Variants in USP8 observed in about 807,000 individuals in gnomAD.
The protein encoded by USP8 is ubiquitin carboxyl-terminal hydrolase 8.
Under a neutral mutation model 130.0 loss-of-function variants are expected in USP8, and 27 were observed. The observed-to-expected ratio is 0.21, with a 90% CI of 0.15 to 0.29. The LOEUF (loss-of-function observed/expected upper bound fraction) is 0.29, where lower values mean the gene tolerates loss of function less well. Among genes scored for constraint, USP8 ranks in the 10% least tolerant of loss-of-function variants. The probability of loss-of-function intolerance (pLI) is 1.00; values close to 1 mark genes in which losing one functional copy is unlikely to be tolerated. For synonymous variants in USP8, 392 were observed against 444.1 expected (o/e 0.88, Z 1.48); for missense variants, 1,029 against 1,312.2 (o/e 0.78, Z 3.33).
intron 4 of USP8, among the ~76,000 whole-genome samples, chr15:50,453,860 C>CTTTTTTTTTTTTT (rs71124355): frequency 2.3e-5 from 2 of 86,962 alleles, no homozygotes; most frequent in African/African-American, 4.5e-5. Flanking sequence ...TGGGAATATT[C>CTTTTTTTTTTTTT]TTTTTTTTTT....
At chr15:50,436,948 G>A (rs2050109403) in intron 1 of USP8, among the ~76,000 whole-genome samples, 1 of 152,044 alleles carries the variant, frequency 6.6e-6, no homozygotes, top group Admixed American at 6.5e-5. Context: ...GGGATTACAG[G>A]TGTGAGCCAC....
At position 50,456,558 on chromosome 15, in the gene USP8, T is replaced by C. The variant is rs1489375913; in HGVS notation, c.336-2442T>C. 3.6e-5 allele frequency among the ~76,000 whole-genome samples: 5 copies of C among 139,960 alleles called. No individual in the cohort carries two copies. In the East Asian group the frequency reaches 1.1e-3, roughly 30 times the overall value. 91.8% of individuals were successfully genotyped at this position (139,960 alleles called of 152,430 possible). Reference sequence around the variant, plus strand: ...CACTGCTCTCCAGCCCAGGTGACAGTGTGAGACTCCGTCTCAAAAAAAAAA... The same window carrying C: ...CACTGCTCTCCAGCCCAGGTGACAGCGTGAGACTCCGTCTCAAAAAAAAAA... On this transcript the variant is annotated intron_variant, in intron 4 of 19. Transcript: ENST00000307179.
intron 1 of USP8, among the ~76,000 whole-genome samples, chr15:50,433,885 G>C (rs768156985): frequency 1.3e-5 from 2 of 152,206 alleles, no homozygotes; most frequent in Non-Finnish European, 2.9e-5. Flanking sequence ...GATTACAGGC[G>C]TGAGCCACTG....
rs1335735762 is a variant in USP8 at position 50,424,530 on chromosome 15, G to A, written c.-66+16G>A. ...CGGCGTCACGGTGAGTGCGGGTCTTGGGCCCTAGCACCTGTTCTCTGGGAA... is the reference window on the plus strand; with the variant it reads ...CGGCGTCACGGTGAGTGCGGGTCTTAGGCCCTAGCACCTGTTCTCTGGGAA... On this transcript the variant is annotated intron_variant, in intron 1 of 19. Transcript: ENST00000307179. The A allele has an allele frequency of 2.5e-6, 1 of 398,568 alleles. No homozygotes were observed. Among genetic ancestry groups the A allele is most frequent in the Non-Finnish European group, 4.4e-6 (1 of 226,098 alleles). 24.7% of individuals were successfully genotyped at this position (398,568 alleles called of 1,614,324 possible).
At chr15:50,442,011 T>C (rs2141257318) in intron 3 of USP8, among the ~76,000 whole-genome samples, 1 of 148,670 alleles carries the variant, frequency 6.7e-6, no homozygotes, top group South Asian at 2.1e-4. Context: ...AGTTTCACTC[T>C]TGTTGTCCAG....
At chr15:50,495,002 G>C (rs950677611) in intron 16 of USP8, among the ~76,000 whole-genome samples, 2 of 146,076 alleles carry the variant, frequency 1.4e-5, no homozygotes, top group Non-Finnish European at 1.5e-5. Context: ...CTGGGCGACA[G>C]AGTGAGACTC....
At chr15:50,433,977 C>G (rs2050015843) in intron 1 of USP8, among the ~76,000 whole-genome samples, 1 of 151,990 alleles carries the variant, frequency 6.6e-6, no homozygotes. Flanking sequence ...TTGACTAAGG[C>G]TGAAGTTCTT....
chr15:50,483,471 A>G (rs1409656023), intron 11 of USP8, among the ~76,000 whole-genome samples: 1 of 152,244 alleles, frequency 6.6e-6, no homozygotes, highest in African/African-American at 2.4e-5. Context: ...TTATTTTAAA[A>G]TAAGATATAA....
At chr15:50,495,000 C>CA (rs1265965697) in intron 16 of USP8, among the ~76,000 whole-genome samples, 2 of 141,880 alleles carry the variant, frequency 1.4e-5, no homozygotes, top group African/African-American at 2.6e-5. Context: ...GCCTGGGCGA[C>CA]AGAGTGAGAC....
chr15:50,497,186 T>C lies in USP8; in HGVS notation c.2993T>C (p.Ile998Thr). 2 of 1,611,282 alleles carry C rather than the reference T, an allele frequency of 1.2e-6. No individual in the cohort carries two copies. The highest frequency in any genetic ancestry group is 1.7e-6 in the Non-Finnish European group (2 of 1,178,922). ...GCTCGACGGGATTCTCTAAAAAAGATAGAAATCTGGAAGTTACCACCTGTG... is the reference window on the plus strand; with the variant it reads ...GCTCGACGGGATTCTCTAAAAAAGACAGAAATCTGGAAGTTACCACCTGTG... ...CRARRDSLKKIEIWKLPPVLL... is the reference protein window; with the variant it reads ...CRARRDSLKKTEIWKLPPVLL... Residue 998 changes from isoleucine to threonine, a missense_variant, in exon 18 of 20, where the codon ATA becomes ACA. Physicochemically the swap from Ile to Thr is moderately conservative, Grantham distance 89 (BLOSUM62 -1). This residue lies in a region of USP8 where 257 missense variants were observed against 429.8 expected (regional missense o/e 0.60). Transcript: ENST00000307179.
At chr15:50,471,935 C>G (rs1466428787) in intron 8 of USP8, 140 bp downstream of exon 8, 1 of 938,428 alleles carries the variant, frequency 1.1e-6, no homozygotes, top group Non-Finnish European at 1.6e-6. Context: ...GAGTCTCACT[C>G]TGTTGCCCAA....
At chr15:50,455,046 A>G (rs1186238903) in intron 4 of USP8, among the ~76,000 whole-genome samples, 3 of 151,354 alleles carry the variant, frequency 2.0e-5, no homozygotes, top group African/African-American at 4.8e-5. Context: ...GTGTTGAGTG[A>G]ATTTTTTTCA....
intron 8 of USP8, among the ~76,000 whole-genome samples, chr15:50,475,752 G>T (rs1024599208): frequency 6.6e-6 from 1 of 152,000 alleles, no homozygotes; most frequent in Non-Finnish European, 1.5e-5. Context: ...ATAGGCGCCT[G>T]CCACCACGCC....
At chr15:50,448,836 T>C (rs777003398) in intron 3 of USP8, among the ~76,000 whole-genome samples, 39 of 152,162 alleles carry the variant, frequency 2.6e-4, no homozygotes, top group Admixed American at 5.9e-4. Context: ...ATACTATTAA[T>C]TATTTATTTT....
intron 10 of USP8, among the ~76,000 whole-genome samples, chr15:50,479,591 T>A (rs1244666735): frequency 6.6e-6 from 1 of 152,192 alleles, no homozygotes; most frequent in Non-Finnish European, 1.5e-5. Context: ...AAACAACATT[T>A]ATTTTTGTTT....
At chr15:50,443,823 T>TG (rs1351518295) in intron 3 of USP8, among the ~76,000 whole-genome samples, 1 of 152,066 alleles carries the variant, frequency 6.6e-6, no homozygotes, top group African/African-American at 2.4e-5. Flanking sequence ...GGGGGCCCCT[T>TG]GCATTTGGAG....
At chr15:50,489,988 T>G in intron 13 of USP8, 107 bp downstream of exon 13, 1 of 988,404 alleles carries the variant, frequency 1.0e-6, no homozygotes, top group Non-Finnish European at 1.5e-6. Flanking sequence ...TTCTCCATTA[T>G]AGAGAACATA....
chr15:50,491,002 C>G (rs2052140393), intron 14 of USP8, among the ~76,000 whole-genome samples: 1 of 152,126 alleles, frequency 6.6e-6, no homozygotes, highest in African/African-American at 2.4e-5. Context: ...TTATTCTGTT[C>G]CCTTTTCCTT....
At chr15:50,485,550 ATTTTTT>A (rs71424071) in intron 12 of USP8, among the ~76,000 whole-genome samples, 18 of 27,942 alleles carry the variant, frequency 6.4e-4, no homozygotes, top group Non-Finnish European at 7.9e-4. Context: ...CAGTTTAGTG[ATTTTTT>A]TTTTTTTTTT....
Sources: allele counts gnomAD v4.1 joint callset (sites outside exome capture counted in the v4.1 genomes callset), GRCh38; gene constraint gnomAD v4.1.1; regional missense constraint gnomAD v4.1.1; transcripts MANE v1.5; gene names NCBI Gene and HGNC (gene_info 2026-07-23, HGNC 2026-07-21).